Variants in OTOG observed in about 807,000 individuals in gnomAD.
OTOG encodes the protein otogelin.
Under a neutral mutation model 313.8 loss-of-function variants are expected in OTOG, and 296 were observed. That is an observed-to-expected ratio of 0.94 (90% CI 0.86 to 1.04). OTOG has a LOEUF of 1.04. Among genes scored for constraint, OTOG ranks in the 50% least tolerant of loss-of-function variants. The probability of loss-of-function intolerance (pLI) is 0.00; values close to 1 mark genes in which losing one functional copy is unlikely to be tolerated. For synonymous variants in OTOG, 1,533 were observed against 1,554.9 expected (o/e 0.99, Z 0.33); for missense variants, 3,948 against 3,840.1 (o/e 1.03, Z -0.74).
intron 34 of OTOG, among the ~76,000 whole-genome samples, 180 bp from the exon 35 acceptor site, chr11:17,608,950 G>A (rs1282178885): frequency 2.0e-5 from 3 of 152,170 alleles, no homozygotes; most frequent in Admixed American, 6.5e-5. Context: ...TTGGGTGTGT[G>A]TGCTCCTGTA....
At chr11:17,613,327 CCCTTCCTTCCTTCCTTCCTT>C (rs10580062) in intron 38 of OTOG, among the ~76,000 whole-genome samples, 12 of 102,390 alleles carry the variant, frequency 1.2e-4, no homozygotes, top group Admixed American at 4.2e-4. Context: ...CTCTGCCCTG[CCCTTCCTTCCTTCCTTCCTT>C]CCTTCCTTCC....
In OTOG at chr11:17,572,080, G is replaced by A. The variant is rs1409500847; in HGVS notation, c.1956G>A (p.Leu652=). ...GAATATGGCTGTGACATGGCTGCAG[G>A]TCTCCAGTGGGTGTACCTGAGAGCA... The part of the protein sequence containing the change: ...TFNGNTQDDF[L]SPVGVPESTP... The change falls in exon 18 of 56, where the codon CTG becomes CTA. Residue 652 remains leucine, a splice_region_variant and synonymous_variant. Transcript: ENST00000399397. 6.5e-7 allele frequency: 1 copy of A among 1,550,290 alleles called. No homozygotes were observed. Among genetic ancestry groups the A allele is most frequent in the Non-Finnish European group, 8.7e-7 (1 of 1,146,940 alleles).
chr11:17,639,165 C>T (rs1847915876), intron 48 of OTOG, among the ~76,000 whole-genome samples: 2 of 152,232 alleles, frequency 1.3e-5, no homozygotes, highest in Admixed American at 1.3e-4. Context: ...TTTATCCTTG[C>T]TCCATACCCA....
rs754249890 is a variant in OTOG at position 17,555,772 on chromosome 11, T to A, written c.541-7T>A. 4.5e-6 allele frequency: 7 copies of A among 1,549,564 alleles called. No homozygotes were observed. The South Asian group carries it at 8.3e-5, about 18-fold the overall frequency. On this transcript the variant is annotated splice_region_variant and splice_polypyrimidine_tract_variant and intron_variant, in intron 6 of 55. Transcript: ENST00000399397. The stretch of plus-strand genomic sequence containing the variant: ...CCTGCAAACCAGCCTCTGAACTCCC[T>A]ACTCAGGTACACAATGACCCGCAGT...
Position 17,609,223 on chromosome 11 carries a change from A to T in OTOG, c.4354+14A>T, listed in dbSNP as rs1250339844. 3 of 1,547,642 alleles carry T rather than the reference A, an allele frequency of 1.9e-6. No homozygotes were observed. The highest frequency in any genetic ancestry group is 4.9e-5 in the East Asian group (2 of 40,896). On this transcript the variant is annotated intron_variant, in intron 35 of 55. Transcript: ENST00000399397. ...ACTTGGAGGACTGTAAGTGGCCCAG[A>T]CTTCTCATCCTTCCCTCAGATTTCC...
At chr11:17,600,403 C>T (rs1262508224) in intron 31 of OTOG, among the ~76,000 whole-genome samples, 2 of 152,188 alleles carry the variant, frequency 1.3e-5, no homozygotes, top group African/African-American at 4.8e-5. Flanking sequence ...CAGTGCTGTT[C>T]GCCTTTGACT....
At chr11:17,552,583 T>C (rs995746437) in intron 4 of OTOG, among the ~76,000 whole-genome samples, 4 of 136,966 alleles carry the variant, frequency 2.9e-5, no homozygotes, top group East Asian at 1.9e-4. Context: ...CTGTCCTGTG[T>C]CTCCCACCTG....
intron 32 of OTOG, among the ~76,000 whole-genome samples, chr11:17,603,591 G>A (rs1464727281): frequency 4.6e-5 from 7 of 152,102 alleles, no homozygotes; most frequent in Admixed American, 1.3e-4. Flanking sequence ...GGCCCAGTGG[G>A]GACCCAAGCT....
At chr11:17,587,740 G>A (rs1338197590) in intron 24 of OTOG, among the ~76,000 whole-genome samples, 1 of 152,184 alleles carries the variant, frequency 6.6e-6, no homozygotes, top group East Asian at 1.9e-4. Flanking sequence ...AAGTCCCTGG[G>A]TATAATGTTA....
At position 17,632,098 on chromosome 11, in the gene OTOG, A is replaced by G; in HGVS notation, c.6944A>G (p.Glu2315Gly). 1 of 1,550,926 alleles carries G rather than the reference A, an allele frequency of 6.4e-7. No individual in the cohort carries two copies. The highest frequency in any genetic ancestry group is 1.2e-5 in the South Asian group (1 of 84,048). Reference sequence around the variant, plus strand: ...GATGCATATGTCCAGGTGCCTCCGGAGTCATTCTGTGAGCTGTGGATCCGG... The same window carrying G: ...GATGCATATGTCCAGGTGCCTCCGGGGTCATTCTGTGAGCTGTGGATCCGG... The part of the protein sequence containing the change: ...FSACHRFVPP[E>G]SFCELWIRDT... The change falls in exon 42 of 56, where the codon GAG (glutamate) becomes GGG (glycine). Residue 2315 changes from glutamate (E) to glycine (G), a missense_variant. Physicochemically the swap from Glu to Gly is moderately conservative, Grantham distance 98. Coordinates refer to ENST00000399397, the MANE Select transcript of OTOG (RefSeq NM_001292063.2).
At chr11:17,558,741 G>C in intron 10 of OTOG, 97 bp downstream of exon 10, 12 of 1,237,850 alleles carry the variant, frequency 9.7e-6, no homozygotes, top group Non-Finnish European at 1.4e-5. Context: ...GGCACTGCCA[G>C]ATCTGCTTCC....
intron 44 of OTOG, among the ~76,000 whole-genome samples, chr11:17,634,624 G>C (rs1434111707): frequency 1.3e-5 from 2 of 152,274 alleles, no homozygotes; most frequent in African/African-American, 2.4e-5. Context: ...CTGTGAGATG[G>C]GGTGCGTGTC....
intron 44 of OTOG, among the ~76,000 whole-genome samples, chr11:17,634,591 G>C (rs923696918): frequency 7.2e-5 from 11 of 152,114 alleles, no homozygotes; most frequent in South Asian, 2.1e-4. Context: ...GCTGAAGATC[G>C]ATCGGGCCCA....
chr11:17,586,833 C>A (rs1471892106), intron 24 of OTOG, among the ~76,000 whole-genome samples: 1 of 152,112 alleles, frequency 6.6e-6, no homozygotes, highest in Non-Finnish European at 1.5e-5. Flanking sequence ...TATTTGTAAC[C>A]ATGGCAATTT....
intron 42 of OTOG, among the ~76,000 whole-genome samples, chr11:17,632,667 CTCT>C (rs1193596619): frequency 6.6e-6 from 1 of 152,076 alleles, no homozygotes; most frequent in Non-Finnish European, 1.5e-5. Context: ...GCTCACGTTT[CTCT>C]TCTTCCAGAG....
intron 3 of OTOG, among the ~76,000 whole-genome samples, chr11:17,551,395 G>A (rs1160375588): frequency 6.6e-6 from 1 of 152,180 alleles, no homozygotes; most frequent in Non-Finnish European, 1.5e-5. Flanking sequence ...GGGTTTCTAA[G>A]CCACACACTT....
chr11:17,612,288 C>T lies in OTOG; in HGVS notation c.6250C>T (p.Arg2084Trp), dbSNP rs180901190. ...PRCGILGLAVRVGGDRCCPLW... is the reference protein window; with the variant it reads ...PRCGILGLAVWVGGDRCCPLW... ...CTGTGGGATCCTGGGCCTCGCCGTG[C>T]GGGTGGGTGGGGACCGCTGCTGCCC... The change falls in exon 37 of 56, where the codon CGG becomes TGG. Residue 2084 changes from arginine to tryptophan, a missense_variant. Arg to Trp is a moderately radical substitution (Grantham distance 101). Coordinates refer to ENST00000399397, the MANE Select transcript of OTOG (RefSeq NM_001292063.2). 4.2e-5 allele frequency: 64 copies of T among 1,542,100 alleles called. No individual in the cohort carries two copies. The highest frequency in any genetic ancestry group is 5.5e-5 in the African/African-American group (4 of 73,136).
chr11:17,557,150 G>A lies in OTOG; in HGVS notation c.692G>A (p.Arg231His), dbSNP rs753472595. The change falls in exon 8 of 56, where the codon CGT becomes CAT. Residue 231 changes from arginine to histidine, a missense_variant. Arg to His is a conservative substitution (Grantham distance 29, BLOSUM62 0). Coordinates refer to ENST00000399397, the MANE Select transcript of OTOG (RefSeq NM_001292063.2). ...CTGCCACATGTCATGGGGAGCGCGC[G>A]TCTGCAGCAGCTTGCCGGCTATGTC... Reference protein sequence around the residue: ...VQLPHVMGSARLQQLAGYVIV... With the variant: ...VQLPHVMGSAHLQQLAGYVIV... 1.7e-5 allele frequency: 27 copies of A among 1,550,382 alleles called. No homozygotes were observed. In the African/African-American group the frequency reaches 1.8e-4, roughly 10 times the overall value.
At chr11:17,613,507 A>AG in intron 38 of OTOG, 105 bp from the exon 39 acceptor site, 1 of 927,902 alleles carries the variant, frequency 1.1e-6, no homozygotes, top group East Asian at 2.6e-5. Flanking sequence ...GGCATAGTGC[A>AG]GGGGGTAGTC....
Sources: gnomAD v4.1 joint callset for allele counts (sites outside exome capture counted in the v4.1 genomes callset) on GRCh38, gnomAD v4.1.1 for gene constraint, MANE v1.5 for transcripts, NCBI Gene and HGNC (gene_info 2026-07-23, HGNC 2026-07-21) for gene names.